CYP2U1: variants seen among roughly 807,000 people sequenced by gnomAD.
The protein encoded by CYP2U1 is cytochrome P450 2U1.
Under a neutral mutation model 42.8 loss-of-function variants are expected in CYP2U1, and 28 were observed. The observed-to-expected ratio is 0.65, with a 90% CI of 0.48 to 0.90. The LOEUF is 0.90. Among genes scored for constraint, CYP2U1 ranks in the 40% least tolerant of loss-of-function variants. CYP2U1 has a pLI of 0.00. For missense variants in CYP2U1, 642 were observed against 693.8 expected, an observed-to-expected ratio of 0.93 and a Z score of 0.84; for synonymous variants, 296 against 278.9, an observed-to-expected ratio of 1.06 and a Z score of -0.61.
At chr4:107,938,295 C>T (rs1220052798) in intron 1 of CYP2U1, 1 of 152,196 alleles carries the variant, frequency 6.6e-6, no homozygotes. Flanking sequence ...CATCAATCCT[C>T]ACATAGTTTT....
chr4:107,932,969 C>T (rs1264559330), intron 1 of CYP2U1, among the ~76,000 whole-genome samples: 5 of 152,192 alleles, frequency 3.3e-5, no homozygotes, highest in Non-Finnish European at 5.9e-5. Flanking sequence ...GGATGTCAGT[C>T]TTCACCACTG....
rs746626463 is a variant in CYP2U1, at chr4:107,953,083, CT to C, written c.*2664del. Reference sequence around the variant, plus strand: ...TTGTTCTTGATATGGAATTCATATGCTTTTGAATTGCACTAATAACTCAGCA... The same window carrying C: ...TTGTTCTTGATATGGAATTCATATGCTTTGAATTGCACTAATAACTCAGCA... On this transcript the variant is annotated 3_prime_UTR_variant, in exon 5 of 5. Coordinates refer to ENST00000332884, the MANE Select transcript of CYP2U1 (RefSeq NM_183075.3). 5.3e-5 allele frequency: 8 copies of C among 152,254 alleles called. No homozygotes were observed. The South Asian group carries it at 8.3e-4, about 16-fold the overall frequency. The allele number at this position is 152,254 out of a possible 1,614,324, so 9.4% of individuals were successfully genotyped here.
chr4:107,931,838 C>G lies in CYP2U1; in HGVS notation c.195C>G (p.Pro65=), dbSNP rs780202261. 4 of 1,539,926 alleles carry G rather than the reference C, an allele frequency of 2.6e-6. No homozygotes were observed. The highest frequency in any genetic ancestry group is 2.5e-5 in the East Asian group (1 of 40,634). The change falls in exon 1 of 5, where the codon CCC becomes CCG. Residue 65 remains proline (P), a synonymous_variant. Coordinates refer to ENST00000332884, the MANE Select transcript of CYP2U1 (RefSeq NM_183075.3). ...RARGIPPGPT[P]WPLVGNFGHV... is the part of the protein sequence containing the mutation. Reference sequence around the variant, plus strand: ...GGGGCATCCCGCCCGGGCCCACGCCCTGGCCTCTGGTGGGCAACTTCGGTC... The same window carrying G: ...GGGGCATCCCGCCCGGGCCCACGCCGTGGCCTCTGGTGGGCAACTTCGGTC...
chr4:107,935,806 G>A (rs911907812), intron 1 of CYP2U1: 3 of 152,198 alleles, frequency 2.0e-5, no homozygotes, highest in African/African-American at 7.2e-5. Context: ...TTTGGCTACT[G>A]TGCCCAGTAG....
intron 1 of CYP2U1, among the ~76,000 whole-genome samples, chr4:107,941,755 C>T (rs1372751433): frequency 2.0e-5 from 3 of 151,788 alleles, no homozygotes; most frequent in African/African-American, 7.3e-5. Flanking sequence ...ATTAATGAGT[C>T]AGATGGCAAA....
At chr4:107,950,118 A>G in intron 4 of CYP2U1, 127 bp from the exon 5 acceptor site, 2 of 934,478 alleles carry the variant, frequency 2.1e-6, no homozygotes, top group Middle Eastern at 2.3e-4. Context: ...ATATATGGCA[A>G]TTTGACTTAA....
chr4:107,935,397 A>C (rs1041794295), intron 1 of CYP2U1, among the ~76,000 whole-genome samples: 4 of 152,206 alleles, frequency 2.6e-5, no homozygotes, highest in Admixed American at 2.6e-4. Flanking sequence ...TTCTTAGGCA[A>C]TGCTGCTCTG....
Position 107,945,675 on chromosome 4 carries a change from G to T in CYP2U1, c.1126+70G>T, listed in dbSNP as rs137925675. The T allele has an allele frequency of 1.3e-3, 2,012 of 1,497,948 alleles. 16 individuals are homozygous for T. The African/African-American group carries it at 0.018, about 13-fold the overall frequency. The allele number at this position is 1,497,948 out of a possible 1,614,324, so 92.8% of individuals were successfully genotyped here. A position where few individuals can be genotyped will look rare whatever the true frequency, so the allele number is the denominator to read the frequency against. On this transcript the variant is annotated intron_variant, in intron 2 of 4. Coordinates refer to ENST00000332884, the MANE Select transcript of CYP2U1 (RefSeq NM_183075.3). ...TTAAATGAGGATTAGCAACCTCAGT[G>T]ATCTGGTGGCTTCTAACACTGAGCA...
intron 4 of CYP2U1, among the ~76,000 whole-genome samples, chr4:107,949,990 A>G (rs1255260338): frequency 6.6e-6 from 1 of 152,190 alleles, no homozygotes; most frequent in Non-Finnish European, 1.5e-5. Context: ...TAGCTGCCAC[A>G]CTGGATCTGT....
chr4:107,949,265 C>T (rs1733823924), intron 3 of CYP2U1, 85 bp from the exon 4 acceptor site: 2 of 1,287,006 alleles, frequency 1.6e-6, no homozygotes, highest in South Asian at 2.3e-5. Flanking sequence ...TATATAACTA[C>T]ATTTTTTTTT....
intron 3 of CYP2U1, among the ~76,000 whole-genome samples, 175 bp from the exon 4 acceptor site, chr4:107,949,175 G>T (rs528055297): frequency 6.6e-6 from 1 of 152,258 alleles, no homozygotes; most frequent in South Asian, 2.1e-4. Context: ...ATGGTGCGGG[G>T]AGAGGGATGC....
intron 1 of CYP2U1, among the ~76,000 whole-genome samples, chr4:107,944,470 ATT>A (rs34360981): frequency 7.0e-6 from 1 of 143,046 alleles, no homozygotes; most frequent in Non-Finnish European, 1.5e-5. Context: ...CACCCGGCTA[ATT>A]TTTTTTTTTT....
intron 1 of CYP2U1, chr4:107,941,138 G>C (rs1030214944): frequency 1.3e-5 from 2 of 151,872 alleles, no homozygotes; most frequent in Non-Finnish European, 2.9e-5. Flanking sequence ...ATGATAAATG[G>C]ATCCACTTTT....
At chr4:107,947,186 A>G (rs2126200807) in intron 2 of CYP2U1, among the ~76,000 whole-genome samples, 190 bp from the exon 3 acceptor site, 2 of 152,254 alleles carry the variant, frequency 1.3e-5, no homozygotes, top group Admixed American at 1.3e-4. Context: ...ACAGAGTGGC[A>G]CAGGCACCCT....
intron 3 of CYP2U1, among the ~76,000 whole-genome samples, chr4:107,948,038 CA>C (rs747852497): frequency 6.6e-6 from 1 of 151,992 alleles, no homozygotes; most frequent in Non-Finnish European, 1.5e-5. Context: ...GAGGACGAGG[CA>C]GGTGGATCAC....
intron 1 of CYP2U1, 147 bp downstream of exon 1, chr4:107,932,280 TGGC>T: frequency 7.3e-7 from 1 of 1,364,614 alleles, no homozygotes; most frequent in Non-Finnish European, 9.6e-7. Flanking sequence ...GTGATGGTGG[TGGC>T]GGCGCTTCTC....
In CYP2U1 at chr4:107,950,484, T is replaced by G. The variant is rs1251909404; in HGVS notation, c.*61T>G. ...TAAATACATATCCTTCTAAGCAGAT[T>G]CTTCCTACTGCAAAGGACAGTGAAT... On this transcript the variant is annotated 3_prime_UTR_variant, in exon 5 of 5. Coordinates refer to ENST00000332884, the MANE Select transcript of CYP2U1 (RefSeq NM_183075.3). 6.7e-7 allele frequency: 1 copy of G among 1,487,068 alleles called. No homozygotes were observed. Among genetic ancestry groups the G allele is most frequent in the Admixed American group, 2.3e-5 (1 of 43,594 alleles). The allele number at this position is 1,487,068 out of a possible 1,614,324, so 92.1% of individuals were successfully genotyped here. A position where few individuals can be genotyped will look rare whatever the true frequency, so the allele number is the denominator to read the frequency against.
intron 1 of CYP2U1, among the ~76,000 whole-genome samples, chr4:107,934,590 T>C (rs909708523): frequency 3.9e-5 from 6 of 152,224 alleles, no homozygotes; most frequent in Non-Finnish European, 1.5e-5. Context: ...GCTCTCTGGC[T>C]GAAACCAATT....
At chr4:107,932,921 TC>T (rs1185996204) in intron 1 of CYP2U1, among the ~76,000 whole-genome samples, 2 of 152,226 alleles carry the variant, frequency 1.3e-5, no homozygotes, top group Non-Finnish European at 2.9e-5. Flanking sequence ...ACTACACTTT[TC>T]AAAACTGACG....
Sources: gnomAD v4.1 joint callset for allele counts (sites outside exome capture counted in the v4.1 genomes callset) on GRCh38, gnomAD v4.1.1 for gene constraint, MANE v1.5 for transcripts, NCBI Gene and HGNC (gene_info 2026-07-23, HGNC 2026-07-21) for gene names.